Variants in UGDH observed in about 807,000 individuals in gnomAD.
The protein encoded by UGDH is UDP-glucose 6-dehydrogenase.
In UGDH, 38 loss-of-function variants were observed where a neutral mutation model predicts 50.6. The observed-to-expected ratio is 0.75, with a 90% CI of 0.58 to 0.98. The LOEUF (loss-of-function observed/expected upper bound fraction) is 0.98. Among genes scored for constraint, UGDH ranks in the 50% least tolerant of loss-of-function variants. The pLI, the probability that UGDH is intolerant of heterozygous loss-of-function variation, is 0.00. For synonymous variants in UGDH, 168 were observed against 199.9 expected (o/e 0.84, Z 1.35); for missense variants, 465 against 606.2 (o/e 0.77, Z 2.45).
intron 7 of UGDH, among the ~76,000 whole-genome samples, chr4:39,506,633 C>T (rs1746040215): frequency 6.6e-6 from 1 of 152,166 alleles, no homozygotes; most frequent in Admixed American, 6.5e-5. Flanking sequence ...AGTCTCTGAT[C>T]ACTTAATCTG....
At chr4:39,502,487 C>T (rs1745858088) in intron 11 of UGDH, among the ~76,000 whole-genome samples, 1 of 152,196 alleles carries the variant, frequency 6.6e-6, no homozygotes, top group African/African-American at 2.4e-5. Flanking sequence ...ATGTGCATAG[C>T]AAGCTGTCAA....
rs1745735226 is a variant in UGDH, at chr4:39,500,100, ACC to A, written c.*41_*42del. The A allele has an allele frequency of 9.0e-7, 1 of 1,107,118 alleles. No individual in the cohort carries two copies. The allele number at this position is 1,107,118 out of a possible 1,614,324, so 68.6% of individuals were successfully genotyped here. A position where few individuals can be genotyped will look rare whatever the true frequency, so the allele number is the denominator to read the frequency against. On this transcript the variant is annotated 3_prime_UTR_variant, in exon 12 of 12. Coordinates refer to ENST00000316423, the MANE Select transcript of UGDH (RefSeq NM_003359.4). ...AGATAGATATTTGCTATCCTGAAGT[ACC>A]AAAAAAAAAAAAAAAAAATCACAAA...
At chr4:39,512,506 G>A (rs1268031552) in intron 3 of UGDH, among the ~76,000 whole-genome samples, 3 of 152,178 alleles carry the variant, frequency 2.0e-5, no homozygotes, top group African/African-American at 7.2e-5. Context: ...CCCTGGTAAA[G>A]GAGCTTTGAA....
rs752083244 is a variant in UGDH at position 39,504,497 on chromosome 4, C to G, written c.1183G>C (p.Val395Leu). ...VSEDDQVSRL[V>L]TISKDPYEAC... ...TCATATGGATCCTTGGAAATGGTCA[C>G]GAGCCGGGACACTGTAACAATAGCA... Residue 395 changes from valine (V) to leucine (L), a missense_variant, in exon 10 of 12, where the codon GTG becomes CTG. By Grantham distance (32) the Val-to-Leu change is conservative (BLOSUM62 1). Coordinates refer to ENST00000316423, the MANE Select transcript of UGDH (RefSeq NM_003359.4). 2 of 1,613,508 alleles carry G rather than the reference C, an allele frequency of 1.2e-6. No homozygotes were observed. Among genetic ancestry groups the G allele is most frequent in the South Asian group, 2.2e-5 (2 of 91,012 alleles).
chr4:39,523,169 A>G (rs1448499141), intron 1 of UGDH, among the ~76,000 whole-genome samples: 1 of 152,098 alleles, frequency 6.6e-6, no homozygotes, highest in African/African-American at 2.4e-5. Flanking sequence ...CTCGTGCCTC[A>G]GCCCGCCAAG....
At chr4:39,508,368 G>A (rs1307849143) in intron 7 of UGDH, among the ~76,000 whole-genome samples, 198 bp downstream of exon 7, 2 of 152,148 alleles carry the variant, frequency 1.3e-5, no homozygotes, top group African/African-American at 4.8e-5. Flanking sequence ...CAAGTAGCTA[G>A]GACTACAGGT....
chr4:39,508,631 C>T lies in UGDH; in HGVS notation c.841G>A (p.Val281Ile). 1.9e-6 allele frequency: 3 copies of T among 1,603,958 alleles called. No homozygotes were observed. The highest frequency in any genetic ancestry group is 2.5e-6 in the Non-Finnish European group (3 of 1,177,340). ...GFGGSCFQKD[V>I]LNLVYLCEAL... ...TCACAGAGATAAACCAAATTCAGAACATCCTTTTGGAAACAGCTCCCACCA... is the reference window on the plus strand; with the variant it reads ...TCACAGAGATAAACCAAATTCAGAATATCCTTTTGGAAACAGCTCCCACCA... Residue 281 changes from valine to isoleucine, a missense_variant, in exon 7 of 12, where the codon GTT (valine) becomes ATT (isoleucine). Physicochemically the swap from Val to Ile is conservative, Grantham distance 29 (BLOSUM62 3). Coordinates refer to ENST00000316423, the MANE Select transcript of UGDH (RefSeq NM_003359.4).
At chr4:39,507,788 C>A (rs7356165) in intron 7 of UGDH, among the ~76,000 whole-genome samples, 91,830 of 151,710 alleles carry the variant, frequency 0.61, 28,429 homozygotes, top group East Asian at 0.87. Context: ...TCTCTACAAA[C>A]AAAATTTTTT....
At chr4:39,504,067 G>C in intron 10 of UGDH, 82 bp from the exon 11 acceptor site, 1 of 1,169,708 alleles carries the variant, frequency 8.5e-7, no homozygotes, top group South Asian at 1.3e-5. Context: ...CCAGCACTTT[G>C]GGAGGCCAAG....
intron 2 of UGDH, among the ~76,000 whole-genome samples, chr4:39,519,269 T>C (rs1186223832): frequency 6.6e-6 from 1 of 151,544 alleles, no homozygotes; most frequent in Non-Finnish European, 1.5e-5. Flanking sequence ...TTGCCCAGGC[T>C]GGACTTGAAA....
intron 9 of UGDH, 40 bp downstream of exon 9, chr4:39,505,197 G>A: frequency 6.4e-7 from 1 of 1,561,490 alleles, no homozygotes; most frequent in Non-Finnish European, 8.6e-7. Context: ...AAAGTTTTCA[G>A]GTCTGGACTC....
intron 11 of UGDH, among the ~76,000 whole-genome samples, chr4:39,501,398 C>T (rs183454479): frequency 1.4e-4 from 22 of 152,072 alleles, no homozygotes; most frequent in African/African-American, 3.9e-4. Context: ...CTCAGCCTCC[C>T]GAGCAGCTGG....
intron 2 of UGDH, among the ~76,000 whole-genome samples, chr4:39,517,280 G>A (rs905247922): frequency 6.7e-6 from 1 of 149,492 alleles, no homozygotes. Flanking sequence ...TCGGCTCACT[G>A]CAACCTCCAC....
At chr4:39,503,204 C>T (rs184895841) in intron 11 of UGDH, among the ~76,000 whole-genome samples, 6 of 152,102 alleles carry the variant, frequency 3.9e-5, no homozygotes, top group African/African-American at 1.2e-4. Flanking sequence ...CGTGAGCCAC[C>T]GCGCCCAGCA....
rs551253842 is a variant in UGDH at position 39,521,068 on chromosome 4, T to A, written c.162+283A>T. Among the ~76,000 whole-genome samples the A allele has an allele frequency of 4.5e-3, 390 of 87,118 alleles. 2 individuals are homozygous for A. The highest frequency in any genetic ancestry group is 0.027 in the African/African-American group (368 of 13,886). The allele number at this position is 87,118 out of a possible 152,430, so 57.2% of individuals were successfully genotyped here. ...CTGGGCGACAGAGGAAGACTCCGTC[T>A]CAAAAAAAAAAAAAAAAAAAAAGAA... On this transcript the variant is annotated intron_variant, in intron 2 of 11. Coordinates refer to ENST00000316423, the MANE Select transcript of UGDH (RefSeq NM_003359.4).
At chr4:39,502,416 A>G (rs1292171679) in intron 11 of UGDH, among the ~76,000 whole-genome samples, 1 of 152,242 alleles carries the variant, frequency 6.6e-6, no homozygotes, top group Non-Finnish European at 1.5e-5. Flanking sequence ...GAACCAGATC[A>G]GATATTTTTG....
intron 11 of UGDH, among the ~76,000 whole-genome samples, chr4:39,503,580 A>T (rs909030458): frequency 1.3e-5 from 2 of 152,234 alleles, no homozygotes; most frequent in Non-Finnish European, 2.9e-5. Context: ...AAGAACTGAC[A>T]TGTTGCCCCA....
Position 39,514,178 on chromosome 4 carries a change from G to A in UGDH, c.169C>T (p.Leu57=). The part of the protein sequence containing the change: ...SPTLPIYEPG[L]KEVVESCRGK... ...CGACAGGATTCTACCACTTCTTTTA[G>A]TCCTGGCTAAAAAGAAAAAAGAAAA... The change falls in exon 3 of 12, where the codon CTA becomes TTA. Residue 57 remains leucine, a synonymous_variant. Coordinates refer to ENST00000316423, the MANE Select transcript of UGDH (RefSeq NM_003359.4). The A allele has an allele frequency of 6.3e-7, 1 of 1,576,486 alleles. No individual in the cohort carries two copies. The highest frequency in any genetic ancestry group is 8.5e-7 in the Non-Finnish European group (1 of 1,172,028).
At chr4:39,504,851 A>C (rs1745968072) in intron 9 of UGDH, among the ~76,000 whole-genome samples, 1 of 152,214 alleles carries the variant, frequency 6.6e-6, no homozygotes, top group Non-Finnish European at 1.5e-5. Flanking sequence ...ACCGCAGATA[A>C]CTGAACCCGT....
Sources: gnomAD v4.1 joint callset for allele counts (sites outside exome capture counted in the v4.1 genomes callset) on GRCh38, gnomAD v4.1.1 for gene constraint, MANE v1.5 for transcripts, NCBI Gene and HGNC (gene_info 2026-07-23, HGNC 2026-07-21) for gene names.